The following CLSTN2 variants were observed in gnomAD, a reference collection of about 807,000 sequenced individuals.
CLSTN2 encodes calsyntenin-2.
A neutral mutation model predicts 101.2 loss-of-function variants in CLSTN2; 48 were observed. That is an observed-to-expected ratio of 0.47 (90% confidence interval 0.38 to 0.60). CLSTN2 has a LOEUF of 0.60. Among genes scored for constraint, CLSTN2 ranks in the 20% least tolerant of loss-of-function variants. The pLI is 0.00. For synonymous variants in CLSTN2, 481 were observed against 463.6 expected, an observed-to-expected ratio of 1.04 and a Z score of -0.48; for missense variants, 1,160 against 1,238.2, an observed-to-expected ratio of 0.94 and a Z score of 0.95.
chr3:140,269,739 G>A lies in CLSTN2; in HGVS notation c.232+93666G>A, dbSNP rs144804241. ...CTGTGTGAGATGTAGCTCCTAAACTGCACCTACAGGGTACTTCTGACCCCA... is the reference window on the plus strand; with the variant it reads ...CTGTGTGAGATGTAGCTCCTAAACTACACCTACAGGGTACTTCTGACCCCA... On this transcript the variant is annotated intron_variant, in intron 2 of 16. Transcript: ENST00000458420. Among the ~76,000 whole-genome samples, 127 of 152,318 alleles carry A rather than the reference G, an allele frequency of 8.3e-4. 1 individual carries two copies. Among genetic ancestry groups the A allele is most frequent in the African/African-American group, 2.9e-3 (122 of 41,582 alleles).
At position 140,012,000 on chromosome 3, in the gene CLSTN2, G is replaced by A. The variant is rs138742055; in HGVS notation, c.109+76517G>A. 4.4e-3 allele frequency among the ~76,000 whole-genome samples: 668 copies of A among 152,258 alleles called. 9 individuals are homozygous for A. The highest frequency in any genetic ancestry group is 0.014 in the African/African-American group (596 of 41,550). On this transcript the variant is annotated intron_variant, in intron 1 of 16. Transcript: ENST00000458420. ...GAAAACCTGAGATTCTAATTGTGCT[G>A]GAGGTGTGCAGGAAACCCTGAAGAA...
intron 1 of CLSTN2, among the ~76,000 whole-genome samples, chr3:140,126,974 CAA>C (rs112892216): frequency 8.8e-5 from 13 of 147,740 alleles, no homozygotes; most frequent in African/African-American, 3.0e-4. Context: ...ATATTGACTT[CAA>C]AAAAAAAGCA....
At chr3:139,997,577 G>C (rs1046794741) in intron 1 of CLSTN2, among the ~76,000 whole-genome samples, 20 of 152,130 alleles carry the variant, frequency 1.3e-4, no homozygotes, top group Admixed American at 1.2e-3. Context: ...TAGTAAGACA[G>C]AATGGCATTC....
At chr3:140,359,779 T>A (rs1187186955) in intron 2 of CLSTN2, among the ~76,000 whole-genome samples, 2 of 152,096 alleles carry the variant, frequency 1.3e-5, no homozygotes, top group Non-Finnish European at 2.9e-5. Flanking sequence ...AATTACTCAT[T>A]TCCAATTATA....
chr3:140,522,431 T>A (rs1037971385), intron 8 of CLSTN2, among the ~76,000 whole-genome samples: 2 of 152,232 alleles, frequency 1.3e-5, no homozygotes. Flanking sequence ...ATGGTTCCAA[T>A]CCTCCTGGTA....
intron 1 of CLSTN2, among the ~76,000 whole-genome samples, chr3:139,989,182 C>A (rs1936077961): frequency 6.6e-6 from 1 of 152,160 alleles, no homozygotes; most frequent in Non-Finnish European, 1.5e-5. Context: ...ATGTTGCAAA[C>A]CCTATCAGAG....
At chr3:140,244,353 C>G (rs934960035) in intron 2 of CLSTN2, among the ~76,000 whole-genome samples, 1 of 152,192 alleles carries the variant, frequency 6.6e-6, no homozygotes, top group African/African-American at 2.4e-5. Flanking sequence ...ACATCACTGC[C>G]TTTCAGGGCA....
chr3:139,981,682 A>G lies in CLSTN2; in HGVS notation c.109+46199A>G, dbSNP rs117071828. ...CCCTGCATTTGCTAAATCAATTTCA[A>G]TTAGCTGCCTAAAGCTATGTAGCTG... On this transcript the variant is annotated intron_variant, in intron 1 of 16. Transcript: ENST00000458420. Among the ~76,000 whole-genome samples, 44 of 152,350 alleles carry G rather than the reference A, an allele frequency of 2.9e-4. No individual in the cohort carries two copies. In the East Asian group the frequency reaches 8.5e-3, roughly 29 times the overall value.
At chr3:140,049,403 A>G (rs780691856) in intron 1 of CLSTN2, among the ~76,000 whole-genome samples, 4 of 152,224 alleles carry the variant, frequency 2.6e-5, no homozygotes, top group Non-Finnish European at 4.4e-5. Context: ...TATAATCTTT[A>G]GATTAGAAAT....
At chr3:140,340,416 G>C (rs1294449925) in intron 2 of CLSTN2, among the ~76,000 whole-genome samples, 1 of 152,150 alleles carries the variant, frequency 6.6e-6, no homozygotes, top group African/African-American at 2.4e-5. Context: ...CAAATAATCT[G>C]TATACCCATA....
intron 2 of CLSTN2, among the ~76,000 whole-genome samples, chr3:140,215,418 A>T (rs1462177160): frequency 6.6e-6 from 1 of 152,224 alleles, no homozygotes; most frequent in African/African-American, 2.4e-5. Flanking sequence ...GTTCACAAAC[A>T]CACTTTAACT....
chr3:140,432,559 C>T (rs1268830929), intron 5 of CLSTN2, among the ~76,000 whole-genome samples: 1 of 152,168 alleles, frequency 6.6e-6, no homozygotes, highest in Non-Finnish European at 1.5e-5. Flanking sequence ...CTCGTGGGGG[C>T]ACTTCTCCGT....
chr3:140,361,708 A>G (rs767505658), intron 2 of CLSTN2, among the ~76,000 whole-genome samples: 4 of 152,184 alleles, frequency 2.6e-5, no homozygotes, highest in Non-Finnish European at 5.9e-5. Context: ...TGAAAGTGAA[A>G]TTTTAAAACT....
chr3:140,061,055 G>A lies in CLSTN2; in HGVS notation c.110-114896G>A, dbSNP rs528430838. ...CATAAGAGAAGATATTACTTACTCA[G>A]CCTAGGGGCCAGAAAGCAAGATTCC... On this transcript the variant is annotated intron_variant, in intron 1 of 16. Transcript: ENST00000458420. Among the ~76,000 whole-genome samples, 3 of 152,270 alleles carry A rather than the reference G, an allele frequency of 2.0e-5. No individual in the cohort carries two copies. The East Asian group carries it at 5.8e-4, about 29-fold the overall frequency.
At chr3:140,501,018 T>C (rs977405886) in intron 8 of CLSTN2, among the ~76,000 whole-genome samples, 1 of 152,138 alleles carries the variant, frequency 6.6e-6, no homozygotes, top group African/African-American at 2.4e-5. Flanking sequence ...AGTTGAGTGT[T>C]CGGGTGAAGG....
rs1339091281 is a variant in CLSTN2 at position 140,205,623 on chromosome 3, C to CCCCCT, written c.232+29551_232+29552insCCCTC. Among the ~76,000 whole-genome samples the CCCCCT allele has an allele frequency of 3.3e-4, 32 of 95,888 alleles. 6 individuals are homozygous for CCCCCT. In the South Asian group the frequency reaches 6.5e-3, roughly 20 times the overall value. 62.9% of individuals were successfully genotyped at this position (95,888 alleles called of 152,430 possible). On this transcript the variant is annotated intron_variant, in intron 2 of 16. Transcript: ENST00000458420. ...TTGTTGTTTGGACCTGACCCGCCCCCCACCCACACACACACACAGCCACCT... is the reference window on the plus strand; with the variant it reads ...TTGTTGTTTGGACCTGACCCGCCCCCCCCCTCACCCACACACACACACAGCCACCT...
intron 2 of CLSTN2, among the ~76,000 whole-genome samples, chr3:140,375,160 G>T (rs79489260): frequency 0.019 from 2,865 of 152,312 alleles, 80 homozygotes; most frequent in African/African-American, 0.064. Context: ...TAGCTGAGGG[G>T]AAAGGTAGTT....
At chr3:140,048,002 G>C (rs994214918) in intron 1 of CLSTN2, among the ~76,000 whole-genome samples, 1 of 151,992 alleles carries the variant, frequency 6.6e-6, no homozygotes, top group Non-Finnish European at 1.5e-5. Flanking sequence ...GGAAATAAAT[G>C]CATGGCTATT....
At chr3:140,324,014 A>G (rs1312104383) in intron 2 of CLSTN2, among the ~76,000 whole-genome samples, 1 of 152,220 alleles carries the variant, frequency 6.6e-6, no homozygotes, top group East Asian at 1.9e-4. Flanking sequence ...TCTACCAAAG[A>G]AGAATAGATC....
Sources: gnomAD v4.1 joint callset for allele counts (sites outside exome capture counted in the v4.1 genomes callset) on GRCh38, gnomAD v4.1.1 for gene constraint, MANE v1.5 for transcripts, NCBI Gene and HGNC (gene_info 2026-07-23, HGNC 2026-07-21) for gene names.